Variants in ARAP2 observed in about 807,000 individuals in gnomAD.
ARAP2 encodes ArfGAP with RhoGAP domain, ankyrin repeat and PH domain 2, also known as arf-GAP with Rho-GAP domain, ANK repeat and PH domain-containing protein 2.
Under a neutral mutation model 194.5 loss-of-function variants are expected in ARAP2, and 148 were observed. That is an observed-to-expected ratio of 0.76 (90% CI 0.67 to 0.87). The LOEUF (loss-of-function observed/expected upper bound fraction) is 0.87. Among genes scored for constraint, ARAP2 ranks in the 40% least tolerant of loss-of-function variants. The probability of loss-of-function intolerance (pLI) is 0.00; values close to 1 mark genes in which losing one functional copy is unlikely to be tolerated. For missense variants in ARAP2, 2,128 were observed against 1,989.7 expected (o/e 1.07, Z -1.32); for synonymous variants, 695 against 683.5 (o/e 1.02, Z -0.26).
At chr4:36,177,631 T>C (rs1019576865) in intron 9 of ARAP2, among the ~76,000 whole-genome samples, 196 bp downstream of exon 9, 2 of 152,152 alleles carry the variant, frequency 1.3e-5, no homozygotes, top group African/African-American at 4.8e-5. Flanking sequence ...AGTTTCAAGT[T>C]TGATGGAGGT....
chr4:36,232,827 G>T (rs1276883033), intron 1 of ARAP2, among the ~76,000 whole-genome samples: 1 of 152,162 alleles, frequency 6.6e-6, no homozygotes, highest in Non-Finnish European at 1.5e-5. Context: ...TGTGAGAGAG[G>T]CTGATAAAAA....
intron 26 of ARAP2, among the ~76,000 whole-genome samples, chr4:36,112,803 A>G (rs1216411731): frequency 1.3e-5 from 2 of 151,906 alleles, no homozygotes; most frequent in Non-Finnish European, 2.9e-5. Flanking sequence ...AGTACAATGA[A>G]AATTTTAGTC....
intron 13 of ARAP2, 65 bp from the exon 14 acceptor site, chr4:36,159,570 T>C: frequency 9.2e-6 from 12 of 1,300,856 alleles, no homozygotes; most frequent in Non-Finnish European, 1.2e-5. Context: ...TTAAAATGAG[T>C]GAAAGTCTGA....
intron 15 of ARAP2, among the ~76,000 whole-genome samples, chr4:36,156,331 G>A (rs1732306890): frequency 1.4e-5 from 1 of 73,480 alleles, no homozygotes; most frequent in Non-Finnish European, 2.7e-5. Flanking sequence ...GAGGGAGGGA[G>A]GGAGGGAAAG....
rs997453828 is a variant in ARAP2, at chr4:36,124,628, CAAGT to C, written c.3746+230_3746+233del. Among the ~76,000 whole-genome samples the C allele has an allele frequency of 4.1e-4, 62 of 151,954 alleles. 1 individual carries two copies. In the Middle Eastern group the frequency reaches 0.014, roughly 33 times the overall value. Reference sequence around the variant, plus strand: ...ATCCTTTATTCTCCAGCTTCCAAACCAAGTGAGTTTTTAAATTCTTGCTTATGCA... The same window carrying C: ...ATCCTTTATTCTCCAGCTTCCAAACCGAGTTTTTAAATTCTTGCTTATGCA... On this transcript the variant is annotated intron_variant, in intron 22 of 32. Transcript: ENST00000303965.
intron 8 of ARAP2, among the ~76,000 whole-genome samples, chr4:36,181,471 T>C (rs1739236705): frequency 2.6e-5 from 4 of 152,060 alleles, no homozygotes; most frequent in Admixed American, 2.6e-4. Flanking sequence ...GCAGTAGGCA[T>C]ACTCCTTAAT....
chr4:36,176,791 T>C (rs960938061), intron 9 of ARAP2, among the ~76,000 whole-genome samples: 1 of 152,158 alleles, frequency 6.6e-6, no homozygotes, highest in African/African-American at 2.4e-5. Flanking sequence ...AAATATTTAA[T>C]GTGTAAGTTC....
At chr4:36,179,568 T>A (rs943240290) in intron 8 of ARAP2, among the ~76,000 whole-genome samples, 1 of 152,156 alleles carries the variant, frequency 6.6e-6, no homozygotes, top group African/African-American at 2.4e-5. Context: ...CAACTATATC[T>A]ATAAGGCTGG....
At chr4:36,093,533 T>A (rs1296977289) in intron 27 of ARAP2, among the ~76,000 whole-genome samples, 1 of 152,144 alleles carries the variant, frequency 6.6e-6, no homozygotes, top group Non-Finnish European at 1.5e-5. Context: ...GTGATTATTA[T>A]GTTCATTTTA....
At chr4:36,050,009 C>T (rs894774852) in intron 3 of ARAP2, among the ~76,000 whole-genome samples, 8 of 151,956 alleles carry the variant, frequency 5.3e-5, no homozygotes, top group African/African-American at 1.9e-4. Flanking sequence ...TTTGTTAACC[C>T]AGATTTGTTT....
chr4:36,060,489 G>A (rs1277505064), intron 1 of ARAP2, among the ~76,000 whole-genome samples: 3 of 152,108 alleles, frequency 2.0e-5, no homozygotes, highest in Admixed American at 1.3e-4. Flanking sequence ...ATGCCAGAAA[G>A]TTATTCTGAG....
Position 36,067,643 on chromosome 4 carries a change from G to T in ARAP2, c.*264C>A. The T allele has an allele frequency of 3.3e-6, 1 of 305,346 alleles. No individual in the cohort carries two copies. The highest frequency in any genetic ancestry group is 6.0e-6 in the Non-Finnish European group (1 of 166,224). The allele number at this position is 305,346 out of a possible 1,614,324, so 18.9% of individuals were successfully genotyped here. A position where few individuals can be genotyped will look rare whatever the true frequency, so the allele number is the denominator to read the frequency against. The stretch of plus-strand genomic sequence containing the variant: ...AACAGACAACTACTTTAAAAGGACT[G>T]ACCACCTAAGTAACCCAATGTCTTC... On this transcript the variant is annotated 3_prime_UTR_variant, in exon 33 of 33. Coordinates refer to ENST00000303965, the MANE Select transcript of ARAP2 (RefSeq NM_015230.4).
intron 31 of ARAP2, among the ~76,000 whole-genome samples, chr4:36,074,865 G>C (rs755628296): frequency 6.6e-6 from 1 of 151,518 alleles, no homozygotes; most frequent in Non-Finnish European, 1.5e-5. Flanking sequence ...ATTTAACTAA[G>C]GGGCAAACTG....
intron 6 of ARAP2, among the ~76,000 whole-genome samples, chr4:36,202,877 C>A (rs879660604): frequency 6.6e-6 from 1 of 152,122 alleles, no homozygotes; most frequent in Non-Finnish European, 1.5e-5. Flanking sequence ...AATCTGGAAA[C>A]AGAAGGAGAG....
chr4:36,057,919 A>G (rs776078902), intron 2 of ARAP2: 5 of 137,894 alleles, frequency 3.6e-5, no homozygotes, highest in Non-Finnish European at 8.0e-5. Flanking sequence ...TCATTTTTAA[A>G]TGCCAGAAAT....
At chr4:36,100,438 C>T (rs1716551192) in intron 27 of ARAP2, among the ~76,000 whole-genome samples, 1 of 152,192 alleles carries the variant, frequency 6.6e-6, no homozygotes. Flanking sequence ...GTCCCATGTA[C>T]TCTAAGTGAT....
intron 5 of ARAP2, among the ~76,000 whole-genome samples, chr4:36,033,816 A>T (rs1276734669): frequency 6.6e-6 from 1 of 152,010 alleles, no homozygotes; most frequent in Non-Finnish European, 1.5e-5. Flanking sequence ...TCTTGAGTTG[A>T]TTTTTGTATA....
At chr4:36,146,961 T>C (rs1050641438) in intron 19 of ARAP2, among the ~76,000 whole-genome samples, 1 of 152,070 alleles carries the variant, frequency 6.6e-6, no homozygotes, top group Non-Finnish European at 1.5e-5. Flanking sequence ...ATATAATTTA[T>C]AGTCATCATA....
At position 36,147,728 on chromosome 4, in the gene ARAP2, C is replaced by A. The variant is rs746774635; in HGVS notation, c.3019G>T (p.Ala1007Ser). ...AIAKHFVPLFAENLTEADYDL... is the reference protein window; with the variant it reads ...AIAKHFVPLFSENLTEADYDL... The stretch of plus-strand genomic sequence containing the variant: ...TAGTCAGCTTCTGTTAAGTTTTCAG[C>A]AAATAAGGGAACAAAATGCTGTTAA... Residue 1007 changes from alanine (A) to serine (S), a missense_variant, in exon 18 of 33, where the codon GCT becomes TCT. Ala to Ser is a moderately conservative substitution (Grantham distance 99). Transcript: ENST00000303965. The A allele has an allele frequency of 6.2e-7, 1 of 1,606,608 alleles. No homozygotes were observed. Among genetic ancestry groups the A allele is most frequent in the African/African-American group, 1.3e-5 (1 of 74,586 alleles).
Sources: allele counts gnomAD v4.1 joint callset (sites outside exome capture counted in the v4.1 genomes callset), GRCh38; gene constraint gnomAD v4.1.1; transcripts MANE v1.5; gene names NCBI Gene and HGNC (gene_info 2026-07-23, HGNC 2026-07-21).